NAT1: variants seen among roughly 807,000 people sequenced by gnomAD.
The protein encoded by NAT1 is arylamine N-acetyltransferase 1.
For missense variants in NAT1, 400 were observed against 339.2 expected (o/e 1.18, Z -1.41); for synonymous variants, 144 against 122.6 (o/e 1.17, Z -1.16).
At chr8:18,187,293 C>T (rs1191985774) in intron 2 of NAT1, among the ~76,000 whole-genome samples, 2 of 152,144 alleles carry the variant, frequency 1.3e-5, no homozygotes, top group African/African-American at 4.8e-5. Context: ...CAGTGTGGTG[C>T]TTCCTTAAAG....
chr8:18,183,402 A>G (rs974724784), intron 2 of NAT1, among the ~76,000 whole-genome samples: 34 of 152,192 alleles, frequency 2.2e-4, no homozygotes, highest in African/African-American at 7.5e-4. Flanking sequence ...AAATACATTA[A>G]TTCTTTCTCA....
At chr8:18,195,386 G>A (rs1032224999) in intron 2 of NAT1, among the ~76,000 whole-genome samples, 1 of 152,162 alleles carries the variant, frequency 6.6e-6, no homozygotes, top group Non-Finnish European at 1.5e-5. Flanking sequence ...GAAAGTGACT[G>A]TAATTTACCT....
At chr8:18,220,145 C>T (rs1032724676) in intron 2 of NAT1, among the ~76,000 whole-genome samples, 5 of 152,110 alleles carry the variant, frequency 3.3e-5, no homozygotes, top group Admixed American at 6.5e-5. Context: ...ACATCTTGTT[C>T]TCTCTCTGAG....
chr8:18,218,244 C>G (rs141494718), intron 1 of NAT1, among the ~76,000 whole-genome samples: 2 of 152,004 alleles, frequency 1.3e-5, no homozygotes, highest in African/African-American at 4.8e-5. Flanking sequence ...TTTTGTAATT[C>G]GGTATTCTTG....
upstream of NAT1, among the ~76,000 whole-genome samples, chr8:18,207,952 C>G (rs534450556): frequency 2.0e-5 from 3 of 152,292 alleles, no homozygotes; most frequent in East Asian, 5.8e-4. Context: ...GGAATCAGAT[C>G]ATGTCCTTTG....
chr8:18,180,447 G>T (rs1008317989), intron 2 of NAT1, among the ~76,000 whole-genome samples: 4 of 152,124 alleles, frequency 2.6e-5, no homozygotes, highest in Non-Finnish European at 4.4e-5. Flanking sequence ...TTGAGCACCT[G>T]CTCTGCTCCA....
Position 18,222,126 on chromosome 8 carries a change from A to C in NAT1, c.79A>C (p.Ile27Leu). 2 of 1,614,160 alleles carry C rather than the reference A, an allele frequency of 1.2e-6. No individual in the cohort carries two copies. The highest frequency in any genetic ancestry group is 1.7e-6 in the Non-Finnish European group (2 of 1,179,988). Residue 27 changes from isoleucine to leucine, a missense_variant, in exon 3 of 3, where the codon ATT becomes CTT. Ile to Leu is a conservative substitution (Grantham distance 5). Transcript: ENST00000307719. ...NKLDLETLTD[I>L]LQHQIRAVPF... ...ATTGGACTTGGAAACATTAACTGAC[A>C]TTCTTCAACACCAGATCCGAGCTGT...
chr8:18,215,939 T>C (rs1176643240), intron 1 of NAT1, among the ~76,000 whole-genome samples: 1 of 152,166 alleles, frequency 6.6e-6, no homozygotes, highest in African/African-American at 2.4e-5. Flanking sequence ...TGCCTTTCTC[T>C]GAAGATGATT....
chr8:18,176,988 T>C (rs10098043), intron 2 of NAT1, among the ~76,000 whole-genome samples: 11,230 of 152,132 alleles, frequency 0.074, 1,142 homozygotes, highest in African/African-American at 0.23. Flanking sequence ...GTGAATGAGA[T>C]TATTTTTAAA....
At chr8:18,184,645 A>G (rs1802658661) in intron 2 of NAT1, among the ~76,000 whole-genome samples, 1 of 152,172 alleles carries the variant, frequency 6.6e-6, no homozygotes, top group South Asian at 2.1e-4. Context: ...TCCCTTCCCA[A>G]ATTCATGTTG....
intron 2 of NAT1, among the ~76,000 whole-genome samples, chr8:18,180,681 T>A (rs547742503): frequency 7.9e-5 from 12 of 152,288 alleles, no homozygotes; most frequent in African/African-American, 2.9e-4. Flanking sequence ...AAAGAAATAA[T>A]AAGTGCATGA....
intron 2 of NAT1, among the ~76,000 whole-genome samples, chr8:18,174,210 G>C (rs566820868): frequency 5.9e-5 from 9 of 152,252 alleles, no homozygotes; most frequent in African/African-American, 1.9e-4. Context: ...CTGTTTCCCA[G>C]GGTGAGGGAA....
At position 18,222,187 on chromosome 8, in the gene NAT1, C is replaced by T; in HGVS notation, c.140C>T (p.Ala47Val). The T allele has an allele frequency of 6.2e-7, 1 of 1,614,110 alleles. No homozygotes were observed. Among genetic ancestry groups the T allele is most frequent in the Non-Finnish European group, 8.5e-7 (1 of 1,180,000 alleles). ...AACCTTAACATCCATTGTGGGGATG[C>T]CATGGACTTAGGCTTAGAGGCCATT... is the stretch of plus-strand genomic sequence containing the variant. ...FENLNIHCGD[A>V]MDLGLEAIFD... The change falls in exon 3 of 3, where the codon GCC becomes GTC. Residue 47 changes from alanine to valine, a missense_variant. Physicochemically the swap from Ala to Val is moderately conservative, Grantham distance 64 (BLOSUM62 0). Coordinates refer to ENST00000307719, the MANE Select transcript of NAT1 (RefSeq NM_000662.8).
At chr8:18,185,764 T>G (rs1802707180) in intron 2 of NAT1, among the ~76,000 whole-genome samples, 1 of 152,178 alleles carries the variant, frequency 6.6e-6, no homozygotes, top group African/African-American at 2.4e-5. Context: ...CTACTTTTCT[T>G]ACGTATGCTT....
At chr8:18,200,590 C>T (rs1427791086) in intron 2 of NAT1, among the ~76,000 whole-genome samples, 2 of 152,116 alleles carry the variant, frequency 1.3e-5, no homozygotes, top group Admixed American at 1.3e-4. Context: ...AAGTACTATG[C>T]TTATTACCTG....
At chr8:18,175,887 G>C (rs1306275553) in intron 2 of NAT1, among the ~76,000 whole-genome samples, 3 of 151,906 alleles carry the variant, frequency 2.0e-5, no homozygotes, top group Admixed American at 6.6e-5. Flanking sequence ...TTCCTCTTTT[G>C]GATAATAGCT....
chr8:18,173,607 G>T (rs573317728), intron 2 of NAT1, among the ~76,000 whole-genome samples: 1 of 152,254 alleles, frequency 6.6e-6, no homozygotes, highest in Admixed American at 6.5e-5. Flanking sequence ...GTACTTAGGA[G>T]CCCAGCGTGG....
intron 1 of NAT1, among the ~76,000 whole-genome samples, chr8:18,216,443 A>G (rs370423274): frequency 2.0e-5 from 3 of 152,158 alleles, no homozygotes; most frequent in African/African-American, 7.2e-5. Flanking sequence ...AGGGCAATCA[A>G]TTTGGCTGCT....
intron 2 of NAT1, 34 bp from the exon 3 acceptor site, chr8:18,222,008 A>T (rs4986989): frequency 0.021 from 33,510 of 1,565,808 alleles, 454 homozygotes; most frequent in Middle Eastern, 0.08. Context: ...GTAAAAGTAA[A>T]ATGATTTGCT....
Sources: gnomAD v4.1 joint callset for allele counts (sites outside exome capture counted in the v4.1 genomes callset) on GRCh38, gnomAD v4.1.1 for gene constraint, MANE v1.5 for transcripts, NCBI Gene and HGNC (gene_info 2026-07-23, HGNC 2026-07-21) for gene names.